Variants in KCNK13 observed in about 807,000 individuals in gnomAD.
KCNK13 encodes the protein potassium channel subfamily K member 13.
In KCNK13, 12 loss-of-function variants were observed where a neutral mutation model predicts 23.4. The observed-to-expected ratio is 0.51, with a 90% CI of 0.33 to 0.83. The LOEUF (loss-of-function observed/expected upper bound fraction) is 0.83. Ranked by LOEUF, KCNK13 falls within the 40% of genes least tolerant of loss-of-function variation. The probability of loss-of-function intolerance (pLI) is 0.02; values close to 1 mark genes in which losing one functional copy is unlikely to be tolerated. For synonymous variants in KCNK13, 231 were observed against 229.5 expected (o/e 1.01, Z -0.06); for missense variants, 463 against 556.3 (o/e 0.83, Z 1.69).
At chr14:90,130,448 C>T (rs1286362929) in intron 1 of KCNK13, among the ~76,000 whole-genome samples, 1 of 151,930 alleles carries the variant, frequency 6.6e-6, no homozygotes, top group Non-Finnish European at 1.5e-5. Context: ...AATCTGCCCG[C>T]CTCGGCCTCC....
intron 1 of KCNK13, among the ~76,000 whole-genome samples, chr14:90,180,365 C>T (rs960447926): frequency 3.3e-5 from 5 of 152,146 alleles, no homozygotes; most frequent in African/African-American, 1.2e-4. Flanking sequence ...CTTCAACTCT[C>T]AGCATTATGG....
intron 1 of KCNK13, among the ~76,000 whole-genome samples, chr14:90,105,884 CCAGGCCTTGG>C (rs759703557): frequency 4.2e-4 from 64 of 152,190 alleles, no homozygotes; most frequent in Non-Finnish European, 6.5e-4. Context: ...AAATCATTGT[CCAGGCCTTGG>C]CAAAAGCAGG....
chr14:90,088,024 A>T (rs1889301556), intron 1 of KCNK13, among the ~76,000 whole-genome samples: 1 of 152,010 alleles, frequency 6.6e-6, no homozygotes, highest in Admixed American at 6.6e-5. Context: ...AATTTTTGAG[A>T]CAGAGTCTCG....
intron 1 of KCNK13, among the ~76,000 whole-genome samples, chr14:90,157,122 G>T (rs951872902): frequency 6.6e-6 from 1 of 152,108 alleles, no homozygotes; most frequent in South Asian, 2.1e-4. Flanking sequence ...TTGATGTACT[G>T]CAAGAATCTG....
chr14:90,091,657 C>G lies in KCNK13; in HGVS notation c.334+29118C>G, dbSNP rs79512586. 3.7e-3 allele frequency among the ~76,000 whole-genome samples: 565 copies of G among 151,742 alleles called. 6 individuals carry two copies. The highest frequency in any genetic ancestry group is 0.013 in the African/African-American group (531 of 41,376). On this transcript the variant is annotated intron_variant, in intron 1 of 1. Coordinates refer to ENST00000282146, the MANE Select transcript of KCNK13 (RefSeq NM_022054.4). ...TGCCTCATTATTTATGAGTTCCATG[C>G]AGACAGTGATGCATGAAGGGTAAAA...
chr14:90,112,759 G>C (rs1476518532), intron 1 of KCNK13, among the ~76,000 whole-genome samples: 1 of 151,984 alleles, frequency 6.6e-6, no homozygotes, highest in Non-Finnish European at 1.5e-5. Context: ...TGCAGAATTT[G>C]ACTCAGGAAA....
intron 1 of KCNK13, among the ~76,000 whole-genome samples, chr14:90,084,332 A>C (rs1475892339): frequency 6.6e-6 from 1 of 152,190 alleles, no homozygotes; most frequent in Non-Finnish European, 1.5e-5. Context: ...AATGTTTTAT[A>C]GTTTTTTGGA....
chr14:90,085,864 T>G (rs1889270107), intron 1 of KCNK13, among the ~76,000 whole-genome samples: 1 of 143,108 alleles, frequency 7.0e-6, no homozygotes, highest in Admixed American at 7.4e-5. Flanking sequence ...ATATAATATA[T>G]AAATTTATAT....
intron 1 of KCNK13, among the ~76,000 whole-genome samples, chr14:90,094,792 C>T (rs1051745118): frequency 1.3e-5 from 2 of 151,820 alleles, no homozygotes; most frequent in Non-Finnish European, 2.9e-5. Flanking sequence ...GGACCACAGG[C>T]GCCCACCACC....
intron 1 of KCNK13, among the ~76,000 whole-genome samples, chr14:90,144,326 T>C (rs1890048721): frequency 6.6e-6 from 1 of 152,052 alleles, no homozygotes; most frequent in Admixed American, 6.6e-5. Context: ...CATGATATCT[T>C]AGTTCCATTT....
chr14:90,097,438 C>T (rs1016905536), intron 1 of KCNK13, among the ~76,000 whole-genome samples: 1 of 152,118 alleles, frequency 6.6e-6, no homozygotes, highest in East Asian at 1.9e-4. Flanking sequence ...AGAACTCACT[C>T]AATGCCACAA....
At chr14:90,153,571 CTG>C (rs1890160317) in intron 1 of KCNK13, among the ~76,000 whole-genome samples, 1 of 152,190 alleles carries the variant, frequency 6.6e-6, no homozygotes, top group Non-Finnish European at 1.5e-5. Context: ...CAGGCAGGAA[CTG>C]TGTTTACTTT....
At chr14:90,141,444 G>A (rs1292370951) in intron 1 of KCNK13, among the ~76,000 whole-genome samples, 1 of 152,026 alleles carries the variant, frequency 6.6e-6, no homozygotes, top group East Asian at 1.9e-4. Flanking sequence ...ATGCCCTCTT[G>A]GGTTTTTTTG....
At chr14:90,095,417 C>T (rs1042388857) in intron 1 of KCNK13, among the ~76,000 whole-genome samples, 1 of 152,200 alleles carries the variant, frequency 6.6e-6, no homozygotes, top group Non-Finnish European at 1.5e-5. Context: ...ACCAAAACTT[C>T]CTAAAGCGAT....
intron 1 of KCNK13, among the ~76,000 whole-genome samples, chr14:90,128,247 G>A (rs1411977329): frequency 6.6e-6 from 1 of 152,118 alleles, no homozygotes; most frequent in Non-Finnish European, 1.5e-5. Context: ...TTCATTCCGG[G>A]AAAGATTTAC....
intron 1 of KCNK13, among the ~76,000 whole-genome samples, chr14:90,127,831 A>G (rs1001242260): frequency 7.1e-4 from 107 of 151,640 alleles, no homozygotes; most frequent in African/African-American, 2.5e-3. Flanking sequence ...AAAAAAAAAA[A>G]AAAAAAAGGC....
intron 1 of KCNK13, among the ~76,000 whole-genome samples, chr14:90,147,958 G>T (rs1055725222): frequency 6.6e-6 from 1 of 152,096 alleles, no homozygotes; most frequent in Admixed American, 6.6e-5. Flanking sequence ...ATCACCTGAG[G>T]TCAGGAGGTC....
intron 1 of KCNK13, among the ~76,000 whole-genome samples, chr14:90,104,725 G>C (rs936606705): frequency 6.6e-6 from 1 of 151,664 alleles, no homozygotes; most frequent in African/African-American, 2.4e-5. Flanking sequence ...GAAGAGTCTC[G>C]GGGGTCCCTT....
At chr14:90,160,094 T>C (rs1271590092) in intron 1 of KCNK13, among the ~76,000 whole-genome samples, 1 of 152,098 alleles carries the variant, frequency 6.6e-6, no homozygotes, top group Non-Finnish European at 1.5e-5. Flanking sequence ...AAAAAGAATA[T>C]ACACAATTTA....
Sources: allele counts gnomAD v4.1 joint callset (sites outside exome capture counted in the v4.1 genomes callset), GRCh38; gene constraint gnomAD v4.1.1; transcripts MANE v1.5; gene names NCBI Gene and HGNC (gene_info 2026-07-23, HGNC 2026-07-21).